APBA1: variants seen among roughly 807,000 people sequenced by gnomAD.
APBA1 encodes amyloid beta precursor protein binding family A member 1, also known as amyloid-beta A4 precursor protein-binding family A member 1.
In APBA1, 55 loss-of-function variants were observed where a neutral mutation model predicts 86.6. That is an observed-to-expected ratio of 0.64 (90% confidence interval 0.51 to 0.80). APBA1 has a LOEUF of 0.80. Among genes scored for constraint, APBA1 ranks in the 30% least tolerant of loss-of-function variants. The pLI, the probability that APBA1 is intolerant of heterozygous loss-of-function variation, is 0.00. For missense variants in APBA1, 1,090 were observed against 1,183.0 expected (o/e 0.92, Z 1.15); for synonymous variants, 511 against 493.9 (o/e 1.03, Z -0.46).
chr9:69,632,783 T>G (rs549187954), intron 1 of APBA1, among the ~76,000 whole-genome samples: 8 of 152,294 alleles, frequency 5.3e-5, no homozygotes, highest in South Asian at 4.1e-4. Context: ...TAGATGTTTT[T>G]GGGTATTTTC....
chr9:69,571,683 AT>A (rs1419326388), intron 1 of APBA1, among the ~76,000 whole-genome samples: 1 of 152,246 alleles, frequency 6.6e-6, no homozygotes, highest in South Asian at 2.1e-4. Flanking sequence ...ATCATATTAA[AT>A]TTTTTTCTGT....
intron 1 of APBA1, among the ~76,000 whole-genome samples, chr9:69,598,698 A>G (rs1822285126): frequency 6.6e-6 from 1 of 152,146 alleles, no homozygotes; most frequent in African/African-American, 2.4e-5. Flanking sequence ...ACAAGAGGAC[A>G]AGGTTCTTGT....
intron 1 of APBA1, among the ~76,000 whole-genome samples, chr9:69,600,756 T>C (rs1202467793): frequency 1.3e-5 from 2 of 150,478 alleles, no homozygotes; most frequent in Non-Finnish European, 3.0e-5. Flanking sequence ...CCAAGATGTG[T>C]CACTGCACTC....
At chr9:69,519,848 T>C (rs1353151455) in intron 1 of APBA1, among the ~76,000 whole-genome samples, 1 of 152,196 alleles carries the variant, frequency 6.6e-6, no homozygotes, top group Non-Finnish European at 1.5e-5. Context: ...AATGGTGCCC[T>C]CTTATAACCC....
intron 2 of APBA1, among the ~76,000 whole-genome samples, chr9:69,504,130 GT>G (rs1293808044): frequency 5.3e-5 from 8 of 151,932 alleles, no homozygotes; most frequent in African/African-American, 1.9e-4. Context: ...GATCATTCTT[GT>G]TTTTATTTCT....
chr9:69,648,337 T>G (rs1260369295), intron 1 of APBA1, among the ~76,000 whole-genome samples: 6 of 152,224 alleles, frequency 3.9e-5, no homozygotes. Context: ...TAAGCCACCC[T>G]GATACACGGA....
chr9:69,565,095 A>C (rs1401902229), intron 1 of APBA1, among the ~76,000 whole-genome samples: 1 of 152,164 alleles, frequency 6.6e-6, no homozygotes, highest in Non-Finnish European at 1.5e-5. Context: ...AAATGTTCTA[A>C]AATACTTTTT....
intron 1 of APBA1, among the ~76,000 whole-genome samples, chr9:69,544,075 G>A (rs148690620): frequency 2.0e-4 from 31 of 152,260 alleles, no homozygotes; most frequent in East Asian, 5.8e-4. Flanking sequence ...AAGAAACTGC[G>A]TAGTAATACT....
intron 1 of APBA1, among the ~76,000 whole-genome samples, chr9:69,580,234 T>C (rs1174809228): frequency 6.6e-6 from 1 of 152,342 alleles, no homozygotes; most frequent in Non-Finnish European, 1.5e-5. Flanking sequence ...ATTCGGAGCC[T>C]GAATCTGGGC....
chr9:69,489,758 A>C lies in APBA1; in HGVS notation c.1201-13615T>G, dbSNP rs929776646. Among the ~76,000 whole-genome samples, 8 of 152,188 alleles carry C rather than the reference A, an allele frequency of 5.3e-5. No homozygotes were observed. The South Asian group carries it at 6.2e-4, about 12-fold the overall frequency. On this transcript the variant is annotated intron_variant, in intron 2 of 12. Coordinates refer to ENST00000265381, the MANE Select transcript of APBA1 (RefSeq NM_001163.4). ...ATCACTGGCCATCAGAGAAATGCAAATCAAAACCACAATGAGATACCATCT... is the reference window on the plus strand; with the variant it reads ...ATCACTGGCCATCAGAGAAATGCAACTCAAAACCACAATGAGATACCATCT...
chr9:69,432,977 G>A (rs1224190024), intron 11 of APBA1, among the ~76,000 whole-genome samples: 4 of 152,176 alleles, frequency 2.6e-5, no homozygotes, highest in Non-Finnish European at 5.9e-5. Context: ...TGGGTCTGTC[G>A]CAGAGTCGCC....
chr9:69,672,426 C>T (rs1385748308), upstream of APBA1: 1 of 151,404 alleles, frequency 6.6e-6, no homozygotes. Flanking sequence ...CTCGCTGGCC[C>T]CTCGTGACGC....
chr9:69,546,075 C>A (rs1836693136), intron 1 of APBA1, among the ~76,000 whole-genome samples: 1 of 152,140 alleles, frequency 6.6e-6, no homozygotes, highest in African/African-American at 2.4e-5. Flanking sequence ...ATTAGGAATT[C>A]AGACTGAGAA....
chr9:69,624,190 G>T (rs1031223695), intron 1 of APBA1, among the ~76,000 whole-genome samples: 14 of 152,082 alleles, frequency 9.2e-5, no homozygotes, highest in African/African-American at 2.9e-4. Flanking sequence ...AGAGCAGCAC[G>T]AATTTACAAT....
intron 1 of APBA1, among the ~76,000 whole-genome samples, chr9:69,668,260 G>T (rs1263534549): frequency 1.3e-5 from 2 of 152,096 alleles, no homozygotes; most frequent in African/African-American, 2.4e-5. Context: ...TGCTCAAAAA[G>T]AAACTTCTCT....
chr9:69,596,863 T>A (rs1055381903), intron 1 of APBA1, among the ~76,000 whole-genome samples: 16 of 152,246 alleles, frequency 1.1e-4, no homozygotes, highest in African/African-American at 3.9e-4. Flanking sequence ...TAGGTCTTCC[T>A]AAAACTAGCA....
chr9:69,656,167 C>T (rs1823608102), intron 1 of APBA1, among the ~76,000 whole-genome samples: 3 of 152,208 alleles, frequency 2.0e-5, no homozygotes, highest in Non-Finnish European at 4.4e-5. Flanking sequence ...TCATAAACTG[C>T]TGTTGGGAGT....
intron 1 of APBA1, among the ~76,000 whole-genome samples, chr9:69,559,000 C>G (rs1047171528): frequency 1.3e-5 from 2 of 152,188 alleles, no homozygotes; most frequent in African/African-American, 4.8e-5. Context: ...TTAATTCCAT[C>G]TTGCTTTTTA....
At chr9:69,456,587 C>T (rs529100051) in intron 7 of APBA1, among the ~76,000 whole-genome samples, 155 bp from the exon 8 acceptor site, 20 of 152,154 alleles carry the variant, frequency 1.3e-4, no homozygotes, top group Non-Finnish European at 2.1e-4. Flanking sequence ...CGGATACCCA[C>T]CCAGGCCGGA....
Sources: allele counts gnomAD v4.1 joint callset (sites outside exome capture counted in the v4.1 genomes callset), GRCh38; gene constraint gnomAD v4.1.1; transcripts MANE v1.5; gene names NCBI Gene and HGNC (gene_info 2026-07-23, HGNC 2026-07-21).